The following CACNA1G variants were observed in gnomAD, a reference collection of about 807,000 sequenced individuals.
CACNA1G encodes calcium voltage-gated channel subunit alpha1 G, also known as voltage-dependent T-type calcium channel subunit alpha-1G.
Under a neutral mutation model 219.4 loss-of-function variants are expected in CACNA1G, and 67 were observed. That is an observed-to-expected ratio of 0.31 (90% CI 0.25 to 0.37). The LOEUF is 0.37. Ranked by LOEUF, CACNA1G falls within the 10% of genes least tolerant of loss-of-function variation. The probability of loss-of-function intolerance (pLI) is 1.00; values close to 1 mark genes in which losing one functional copy is unlikely to be tolerated. For synonymous variants in CACNA1G, 1,296 were observed against 1,345.3 expected (o/e 0.96, Z 0.80); for missense variants, 2,380 against 3,231.4 (o/e 0.74, Z 6.39).
At chr17:50,590,159 A>T (rs1227279848) in intron 9 of CACNA1G, among the ~76,000 whole-genome samples, 22 of 152,152 alleles carry the variant, frequency 1.4e-4, no homozygotes, top group Non-Finnish European at 1.3e-4. Flanking sequence ...AAGATGGGCC[A>T]TGCAGCTCCC....
In CACNA1G at chr17:50,618,605, C is replaced by T. The variant is rs1166978708; in HGVS notation, c.5428-50C>T. 1 of 1,409,156 alleles carries T rather than the reference C, an allele frequency of 7.1e-7. No individual in the cohort carries two copies. The highest frequency in any genetic ancestry group is 9.9e-7 in the Non-Finnish European group (1 of 1,008,832). 87.3% of individuals were successfully genotyped at this position (1,409,156 alleles called of 1,614,324 possible). On this transcript the variant is annotated intron_variant, in intron 32 of 37. Transcript: ENST00000359106. This position sits in a 1 kb window ranked among gnomAD's most constrained non-coding sequence, Gnocchi z 5.3. ...CCAGTGACCTGATTTTCCACAACAG[C>T]TCCAACAACTGTCCTCCCCAGCCTC... is the stretch of plus-strand genomic sequence containing the variant.
In CACNA1G at chr17:50,572,829, G is replaced by C; in HGVS notation, c.1022G>C (p.Gly341Ala). 2 of 1,613,084 alleles carry C rather than the reference G, an allele frequency of 1.2e-6. No individual in the cohort carries two copies. Among genetic ancestry groups the C allele is most frequent in the Non-Finnish European group, 1.7e-6 (2 of 1,179,308 alleles). Residue 341 changes from glycine (G) to alanine (A), a missense_variant, in exon 6 of 38, where the codon GGC (glycine) becomes GCC (alanine). Gly to Ala is a moderately conservative substitution (Grantham distance 60, BLOSUM62 0). Coordinates refer to ENST00000359106, the MANE Select transcript of CACNA1G (RefSeq NM_018896.5). The part of the protein sequence containing the change: ...FKGAINFDNI[G>A]YAWIAIFQVI... ...GGCGCCATCAACTTTGACAACATTG[G>C]CTATGCCTGGATCGCCATCTTCCAG... is the stretch of plus-strand genomic sequence containing the variant.
At chr17:50,622,618 C>T (rs1271039297) in intron 35 of CACNA1G, among the ~76,000 whole-genome samples, 2 of 152,116 alleles carry the variant, frequency 1.3e-5, no homozygotes, top group African/African-American at 2.4e-5. Flanking sequence ...ACTGGCTGGG[C>T]CTGCATGGCG....
chr17:50,616,820 A>G (rs1199597553), intron 28 of CACNA1G, among the ~76,000 whole-genome samples: 1 of 152,140 alleles, frequency 6.6e-6, no homozygotes, highest in Non-Finnish European at 1.5e-5. Flanking sequence ...TGAGATTATG[A>G]ATTCCTATTT....
rs1339047955 is a variant in CACNA1G, at chr17:50,568,838, C to T, written c.243-32C>T. 5 of 1,583,104 alleles carry T rather than the reference C, an allele frequency of 3.2e-6. No homozygotes were observed. In the South Asian group the frequency reaches 4.4e-5, roughly 14 times the overall value. ...GTCGGGGGGCCGGCCTCAGCTCCAG[C>T]CTTGGCCAGCTGTTTCCTTGACTGC... is the stretch of plus-strand genomic sequence containing the variant. On this transcript the variant is annotated intron_variant, in intron 1 of 37. Transcript: ENST00000359106.
chr17:50,581,904 C>T (rs554747112), intron 9 of CACNA1G, among the ~76,000 whole-genome samples: 69 of 152,348 alleles, frequency 4.5e-4, no homozygotes, highest in Non-Finnish European at 8.1e-4. Context: ...AAATGATTAA[C>T]AACTAGCCCT....
intron 19 of CACNA1G, among the ~76,000 whole-genome samples, chr17:50,602,619 C>T (rs1024990310): frequency 2.6e-5 from 4 of 152,128 alleles, no homozygotes; most frequent in Admixed American, 2.0e-4. Flanking sequence ...TGTGACTGTC[C>T]ACAGAGCTGC....
chr17:50,588,893 C>G (rs551522740), intron 9 of CACNA1G, among the ~76,000 whole-genome samples: 15 of 152,216 alleles, frequency 9.9e-5, no homozygotes, highest in Non-Finnish European at 1.8e-4. Flanking sequence ...CTTTTCACCT[C>G]CCATCCAAGC....
At position 50,568,847 on chromosome 17, in the gene CACNA1G, G is replaced by A. The variant is rs377351177; in HGVS notation, c.243-23G>A. On this transcript the variant is annotated intron_variant, in intron 1 of 37. Coordinates refer to ENST00000359106, the MANE Select transcript of CACNA1G (RefSeq NM_018896.5). Reference sequence around the variant, plus strand: ...CCGGCCTCAGCTCCAGCCTTGGCCAGCTGTTTCCTTGACTGCCAGTACCTG... The same window carrying A: ...CCGGCCTCAGCTCCAGCCTTGGCCAACTGTTTCCTTGACTGCCAGTACCTG... 9 of 1,600,752 alleles carry A rather than the reference G, an allele frequency of 5.6e-6. No homozygotes were observed. The African/African-American group carries it at 1.1e-4, about 19-fold the overall frequency.
intron 35 of CACNA1G, among the ~76,000 whole-genome samples, chr17:50,622,187 C>T (rs1412402764): frequency 5.4e-5 from 8 of 148,968 alleles, no homozygotes; most frequent in Admixed American, 4.7e-4. Context: ...CCACCCCACC[C>T]CACCCCCCAA....
At position 50,560,738 on chromosome 17, in the gene CACNA1G, C is replaced by A. The variant is rs1037409507; in HGVS notation, c.-722C>A. On this transcript the variant is annotated 5_prime_UTR_variant, in exon 1 of 38. Transcript: ENST00000359106. ...GTGTGCGCGGGGCTCCTCGCCGCCG[C>A]TTTCGCTCGCTCGCTCCGCGTCTCG... is the stretch of plus-strand genomic sequence containing the variant. 2.0e-5 allele frequency among the ~76,000 whole-genome samples: 3 copies of A among 152,198 alleles called. No individual in the cohort carries two copies. The highest frequency in any genetic ancestry group is 4.4e-5 in the Non-Finnish European group (3 of 68,010).
In CACNA1G at chr17:50,561,261, G is replaced by A; in HGVS notation, c.-199G>A. 3.4e-6 allele frequency: 2 copies of A among 581,826 alleles called. No homozygotes were observed. Among genetic ancestry groups the A allele is most frequent in the African/African-American group, 2.0e-5 (1 of 49,746 alleles). 36.0% of individuals were successfully genotyped at this position (581,826 alleles called of 1,614,324 possible). On this transcript the variant is annotated 5_prime_UTR_variant, in exon 1 of 38. Transcript: ENST00000359106. Reference sequence around the variant, plus strand: ...GACTCGCGCCGGGCGGGGTTTCCCTGCGCCCCGGCGCCCCGCGGGCAGCAT... The same window carrying A: ...GACTCGCGCCGGGCGGGGTTTCCCTACGCCCCGGCGCCCCGCGGGCAGCAT...
chr17:50,609,973 C>T, intron 26 of CACNA1G, 38 bp downstream of exon 26: 2 of 1,580,456 alleles, frequency 1.3e-6, no homozygotes, highest in Non-Finnish European at 1.7e-6. Context: ...CGTGTGGGGA[C>T]ATGCTCTTCA....
chr17:50,567,999 G>A (rs2038389827), intron 1 of CACNA1G, among the ~76,000 whole-genome samples: 1 of 152,156 alleles, frequency 6.6e-6, no homozygotes, highest in South Asian at 2.1e-4. Context: ...TGCACGGCTT[G>A]GGAGCTATGC....
At chr17:50,613,432 C>A (rs1415923566) in intron 26 of CACNA1G, among the ~76,000 whole-genome samples, 1 of 152,136 alleles carries the variant, frequency 6.6e-6, no homozygotes, top group Non-Finnish European at 1.5e-5. Flanking sequence ...TCCTTCTGGG[C>A]CTCTTGGAGG....
intron 16 of CACNA1G, among the ~76,000 whole-genome samples, chr17:50,599,018 G>A (rs1292654944): frequency 3.3e-5 from 5 of 152,128 alleles, no homozygotes; most frequent in African/African-American, 9.7e-5. Flanking sequence ...GTGAGCCACC[G>A]TGCCCAGCCC....
Position 50,561,362 on chromosome 17 carries a change from G to T in CACNA1G, c.-98G>T. The T allele has an allele frequency of 6.8e-7, 1 of 1,479,148 alleles. No homozygotes were observed. Among genetic ancestry groups the T allele is most frequent in the Non-Finnish European group, 9.1e-7 (1 of 1,099,672 alleles). The allele number at this position is 1,479,148 out of a possible 1,614,324, so 91.6% of individuals were successfully genotyped here. A position where few individuals can be genotyped will look rare whatever the true frequency, so the allele number is the denominator to read the frequency against. On this transcript the variant is annotated 5_prime_UTR_variant, in exon 1 of 38. It removes an upstream start codon present in the reference 5' UTR. Transcript: ENST00000359106. ...GCTTGCGCCCTAGAGCCCACCAGAT[G>T]TGCCCCCGCCGGGGCCCCCGGGTTG...
Position 50,560,721 on chromosome 17 carries a change from G to C in CACNA1G, c.-739G>C, listed in dbSNP as rs1008254848. Among the ~76,000 whole-genome samples, 18 of 152,290 alleles carry C rather than the reference G, an allele frequency of 1.2e-4. No individual in the cohort carries two copies. The highest frequency in any genetic ancestry group is 1.9e-4 in the East Asian group (1 of 5,172). On this transcript the variant is annotated 5_prime_UTR_variant, in exon 1 of 38. Transcript: ENST00000359106. Reference sequence around the variant, plus strand: ...TGAGGGATCCAGCTGTGGTGTGCGCGGGGCTCCTCGCCGCCGCTTTCGCTC... The same window carrying C: ...TGAGGGATCCAGCTGTGGTGTGCGCCGGGCTCCTCGCCGCCGCTTTCGCTC...
At chr17:50,564,645 G>A (rs1221360136) in intron 1 of CACNA1G, among the ~76,000 whole-genome samples, 3 of 152,020 alleles carry the variant, frequency 2.0e-5, no homozygotes, top group Non-Finnish European at 4.4e-5. Flanking sequence ...AGTTTCTGGA[G>A]CCTTCCTTGC....
Sources: allele counts gnomAD v4.1 joint callset (sites outside exome capture counted in the v4.1 genomes callset), GRCh38; gene constraint gnomAD v4.1.1; non-coding constraint Gnocchi (gnomAD v3.1); transcripts MANE v1.5; gene names NCBI Gene and HGNC (gene_info 2026-07-23, HGNC 2026-07-21).